AANAT: variants seen among roughly 807,000 people sequenced by gnomAD.
The protein encoded by AANAT is aralkylamine N-acetyltransferase, also known as serotonin N-acetyltransferase.
In AANAT, 11 loss-of-function variants were observed where a neutral mutation model predicts 15.6. That is an observed-to-expected ratio of 0.71 (90% confidence interval 0.44 to 1.17). The LOEUF (loss-of-function observed/expected upper bound fraction) is 1.17, where lower values mean the gene tolerates loss of function less well. Ranked by LOEUF, AANAT falls within the 50% of genes most tolerant of loss-of-function variation. AANAT has a pLI of 0.00. For synonymous variants in AANAT, 139 were observed against 131.5 expected, an observed-to-expected ratio of 1.06 and a Z score of -0.39; for missense variants, 286 against 296.3, an observed-to-expected ratio of 0.97 and a Z score of 0.26.
At position 76,469,201 on chromosome 17, in the gene AANAT, C is replaced by T. The variant is rs758216041; in HGVS notation, c.192C>T (p.Pro64=). The T allele has an allele frequency of 1.9e-6, 3 of 1,614,168 alleles. No individual in the cohort carries two copies. The highest frequency in any genetic ancestry group is 3.3e-5 in the Admixed American group (2 of 60,026). The change falls in exon 3 of 4, where the codon CCC becomes CCT. Residue 64 remains proline (P), a synonymous_variant. Coordinates refer to ENST00000392492, the MANE Select transcript of AANAT (RefSeq NM_001088.3). The surrounding 1 kb of genome is among the most constrained non-coding windows in gnomAD (Gnocchi z 5.2). ...EAFISVLGVC[P]LYLDEIRHFL... is the part of the protein sequence containing the mutation. ...TCATCTCCGTCTTGGGCGTCTGCCC[C>T]CTGTACCTGGATGAGATCCGGCACT... is the stretch of plus-strand genomic sequence containing the variant.
chr17:76,468,834 C>A lies in AANAT; in HGVS notation c.88C>A (p.His30Asn). 1 of 1,613,612 alleles carries A rather than the reference C, an allele frequency of 6.2e-7. No homozygotes were observed. The highest frequency in any genetic ancestry group is 8.5e-7 in the Non-Finnish European group (1 of 1,180,022). The change falls in exon 2 of 4, where the codon CAC becomes AAC. Residue 30 changes from histidine to asparagine, a missense_variant. Coordinates refer to ENST00000392492, the MANE Select transcript of AANAT (RefSeq NM_001088.3). The part of the protein sequence containing the change: ...IPESPSCQRR[H>N]TLPASEFRCL... ...CGAGTCCCCGAGCTGTCAGCGGCGC[C>A]ACACACTCCCTGCCAGTGAGTTTCG...
At chr17:76,465,442 C>G (rs2073428260), upstream of AANAT, among the ~76,000 whole-genome samples, 1 of 150,392 alleles carries the variant, frequency 6.6e-6, no homozygotes, top group Admixed American at 6.7e-5. Context: ...CTCAAGTGAT[C>G]TTCCCACCTC....
At chr17:76,458,377 G>A (rs893614676) in intron 1 of AANAT, among the ~76,000 whole-genome samples, 1 of 152,182 alleles carries the variant, frequency 6.6e-6, no homozygotes, top group Admixed American at 6.5e-5. Flanking sequence ...CTGGCTAGCA[G>A]GGTAAGTGTG....
At chr17:76,465,057 A>G (rs2073424248), upstream of AANAT, among the ~76,000 whole-genome samples, 1 of 152,060 alleles carries the variant, frequency 6.6e-6, no homozygotes, top group South Asian at 2.1e-4. Context: ...TCAGCCTCCC[A>G]AAGTGCTGGG....
chr17:76,467,189 T>C (rs1178580234), upstream of AANAT, among the ~76,000 whole-genome samples: 2 of 152,156 alleles, frequency 1.3e-5, no homozygotes, highest in African/African-American at 2.4e-5. Context: ...GGCAACCTCC[T>C]GAATATTTAA....
chr17:76,469,692 G>A lies in AANAT; in HGVS notation c.346G>A (p.Gly116Ser). 2.0e-6 allele frequency: 3 copies of A among 1,522,354 alleles called. No individual in the cohort carries two copies. The highest frequency in any genetic ancestry group is 2.6e-6 in the Non-Finnish European group (3 of 1,133,922). The allele number at this position is 1,522,354 out of a possible 1,614,324, so 94.3% of individuals were successfully genotyped here. The change falls in exon 4 of 4, where the codon GGC becomes AGC. Residue 116 changes from glycine to serine, a missense_variant. Physicochemically the swap from Gly to Ser is moderately conservative, Grantham distance 56. Coordinates refer to ENST00000392492, the MANE Select transcript of AANAT (RefSeq NM_001088.3). This position sits in a 1 kb window ranked among gnomAD's most constrained non-coding sequence, Gnocchi z 5.2. ...GTCACTGACGCTGCACAGGTCTGGG[G>A]GCCACATAGCCCACCTGCATGTGCT... ...QESLTLHRSG[G>S]HIAHLHVLAV... is the part of the protein sequence containing the mutation.
Position 76,469,248 on chromosome 17 carries a change from T to C in AANAT, c.239T>C (p.Leu80Pro). ...IRHFLTLCPELSLGWFEEGCL... is the reference protein window; with the variant it reads ...IRHFLTLCPEPSLGWFEEGCL... ...CACTTCCTGACCCTATGTCCAGAGC[T>C]GTCCCTGGGCTGGTTCGAGGAGGGC... The change falls in exon 3 of 4, where the codon CTG (leucine) becomes CCG (proline). Residue 80 changes from leucine to proline, a missense_variant. Physicochemically the swap from Leu to Pro is moderately conservative, Grantham distance 98 (BLOSUM62 -3). Coordinates refer to ENST00000392492, the MANE Select transcript of AANAT (RefSeq NM_001088.3). This position sits in a 1 kb window ranked among gnomAD's most constrained non-coding sequence, Gnocchi z 5.2. The C allele has an allele frequency of 1.2e-6, 2 of 1,614,230 alleles. No homozygotes were observed. Among genetic ancestry groups the C allele is most frequent in the Admixed American group, 1.7e-5 (1 of 60,032 alleles).
At chr17:76,458,310 G>A (rs924028510) in intron 1 of AANAT, among the ~76,000 whole-genome samples, 2 of 152,152 alleles carry the variant, frequency 1.3e-5, no homozygotes, top group Admixed American at 1.3e-4. Context: ...GATAAGGTTT[G>A]AGGCTTGACT....
At chr17:76,464,553 G>A (rs886156623), upstream of AANAT, among the ~76,000 whole-genome samples, 2 of 152,258 alleles carry the variant, frequency 1.3e-5, no homozygotes, top group Non-Finnish European at 1.5e-5. Context: ...GAGGCAGGGT[G>A]GCATGGTACA....
chr17:76,463,532 T>C (rs993807051), upstream of AANAT, among the ~76,000 whole-genome samples: 3 of 152,088 alleles, frequency 2.0e-5, no homozygotes, highest in Admixed American at 6.6e-5. Context: ...GCTATTGAAC[T>C]CCTGACCTCG....
At position 76,469,264 on chromosome 17, in the gene AANAT, C is replaced by T. The variant is rs763395121; in HGVS notation, c.255C>T (p.Phe85=). The change falls in exon 3 of 4, where the codon TTC becomes TTT. Residue 85 remains phenylalanine, a synonymous_variant. Coordinates refer to ENST00000392492, the MANE Select transcript of AANAT (RefSeq NM_001088.3). This position sits in a 1 kb window ranked among gnomAD's most constrained non-coding sequence, Gnocchi z 5.2. ...TLCPELSLGW[F]EEGCLVAFII... The stretch of plus-strand genomic sequence containing the variant: ...GTCCAGAGCTGTCCCTGGGCTGGTT[C>T]GAGGAGGGCTGCCTTGTGGCCTTCA... 31 of 1,614,042 alleles carry T rather than the reference C, an allele frequency of 1.9e-5. No individual in the cohort carries two copies. Among genetic ancestry groups the T allele is most frequent in the African/African-American group, 5.3e-5 (4 of 74,926 alleles).
intron 1 of AANAT, among the ~76,000 whole-genome samples, chr17:76,468,288 G>T (rs1228643874): frequency 6.6e-6 from 1 of 152,192 alleles, no homozygotes; most frequent in Non-Finnish European, 1.5e-5. Flanking sequence ...GACGTGGTCA[G>T]TGGAGGGTCA....
intron 1 of AANAT, among the ~76,000 whole-genome samples, chr17:76,459,038 G>A (rs2073364129): frequency 6.6e-6 from 1 of 152,248 alleles, no homozygotes; most frequent in Non-Finnish European, 1.5e-5. Context: ...GGTGCCCTGG[G>A]AAAACTGTGG....
At chr17:76,466,606 G>A (rs2073440341), upstream of AANAT, among the ~76,000 whole-genome samples, 1 of 152,138 alleles carries the variant, frequency 6.6e-6, no homozygotes, top group Non-Finnish European at 1.5e-5. Context: ...GTGCAGCCGT[G>A]GCAGTGCATG....
chr17:76,468,579 A>C (rs1465365074), intron 1 of AANAT, 93 bp from the exon 2 acceptor site: 19 of 1,151,682 alleles, frequency 1.6e-5, no homozygotes, highest in Admixed American at 2.6e-5. Context: ...TCTCCACCCC[A>C]GTTCCTGCTA....
chr17:76,468,675 C>G lies in AANAT; in HGVS notation c.-72C>G, dbSNP rs1489475541. 1 of 1,546,866 alleles carries G rather than the reference C, an allele frequency of 6.5e-7. No individual in the cohort carries two copies. The highest frequency in any genetic ancestry group is 8.7e-7 in the Non-Finnish European group (1 of 1,150,062). On this transcript the variant is annotated 5_prime_UTR_variant, in exon 2 of 4. Transcript: ENST00000392492. ...GTCCCTTGCTGTTCTCCAACAGGTG[C>G]TGGGAGGCCCTCCTTGGCTTAGGAG...
At chr17:76,457,413 G>A (rs1233766014) in intron 1 of AANAT, among the ~76,000 whole-genome samples, 1 of 152,160 alleles carries the variant, frequency 6.6e-6, no homozygotes, top group Non-Finnish European at 1.5e-5. Context: ...TATGTTTGTT[G>A]TTTTAATGTA....
At chr17:76,454,515 TA>T (rs1423027434) in intron 1 of AANAT, among the ~76,000 whole-genome samples, 1 of 150,762 alleles carries the variant, frequency 6.6e-6, no homozygotes. Context: ...ATAAATAAAA[TA>T]TAAAAAGTAA....
chr17:76,459,592 G>A (rs1598636036), intron 2 of AANAT, among the ~76,000 whole-genome samples: 1 of 152,214 alleles, frequency 6.6e-6, no homozygotes, highest in East Asian at 1.9e-4. Context: ...CCATGGAGAT[G>A]TGGGGAGGTG....
Sources: allele counts gnomAD v4.1 joint callset (sites outside exome capture counted in the v4.1 genomes callset), GRCh38; gene constraint gnomAD v4.1.1; non-coding constraint Gnocchi (gnomAD v3.1); transcripts MANE v1.5; gene names NCBI Gene and HGNC (gene_info 2026-07-23, HGNC 2026-07-21).